Variants in TBCK observed in about 807,000 individuals in gnomAD.
TBCK encodes the protein TBC domain-containing protein kinase-like protein.
A neutral mutation model predicts 113.4 loss-of-function variants in TBCK; 99 were observed. The ratio of observed to expected loss-of-function variants is 0.87; its 90% CI spans 0.74 to 1.03. The LOEUF is 1.03. Among genes scored for constraint, TBCK ranks in the 50% least tolerant of loss-of-function variants. The pLI is 0.00. For missense variants in TBCK, 1,045 were observed against 1,061.3 expected, an observed-to-expected ratio of 0.98 and a Z score of 0.21; for synonymous variants, 369 against 370.8, an observed-to-expected ratio of 1.00 and a Z score of 0.05.
chr4:106,255,007 C>T (rs1365575767), intron 5 of TBCK: 6 of 309,460 alleles, frequency 1.9e-5, no homozygotes, highest in African/African-American at 1.1e-4. Flanking sequence ...TCTCTACATA[C>T]ATTTTAAAAC....
intron 11 of TBCK, 141 bp from the exon 12 acceptor site, chr4:106,242,710 T>C: frequency 2.0e-6 from 1 of 507,372 alleles, no homozygotes; most frequent in Non-Finnish European, 3.4e-6. Context: ...AAAACAATGT[T>C]TTTTTAATTA....
chr4:106,261,697 G>T (rs1351472863), intron 4 of TBCK, among the ~76,000 whole-genome samples: 1 of 151,928 alleles, frequency 6.6e-6, no homozygotes, highest in African/African-American at 2.4e-5. Context: ...AGGAAAGAAG[G>T]CAGAAGAAAA....
At chr4:106,123,714 G>A (rs1744761654) in intron 23 of TBCK, among the ~76,000 whole-genome samples, 1 of 152,020 alleles carries the variant, frequency 6.6e-6, no homozygotes, top group African/African-American at 2.4e-5. Context: ...ACAACTACCT[G>A]ATCTTTGACA....
At chr4:106,246,735 A>G (rs1415277901) in intron 10 of TBCK, among the ~76,000 whole-genome samples, 1 of 152,084 alleles carries the variant, frequency 6.6e-6, no homozygotes, top group Non-Finnish European at 1.5e-5. Context: ...GCTGGCTGCA[A>G]TTTGCTATTT....
rs765407874 is a variant in TBCK, at chr4:106,242,469, C to A, written c.1170+1G>T. ...CAGAACTGTCAAAATATCTTTCTTA[C>A]ATTTCTTAGCTGGCATAACGACAAT... On this transcript the variant is annotated splice_donor_variant, in intron 12 of 25. Coordinates refer to ENST00000394708, the MANE Select transcript of TBCK (RefSeq NM_001163435.3). LOFTEE classifies it high-confidence loss of function. 1 of 1,593,048 alleles carries A rather than the reference C, an allele frequency of 6.3e-7. No homozygotes were observed.
rs1457462467 is a variant in TBCK, at chr4:106,046,639, A to T, written c.2613T>A (p.Cys871Ter). The change falls in exon 26 of 26, where the codon TGT becomes TGA. Residue 871 changes from cysteine to a stop codon, truncating the protein, a stop_gained. Transcript: ENST00000394708. LOFTEE classifies it high-confidence loss of function. ...TTTTATTAATGCCACCATCTAGAAT[A>T]CAGATTCTTGGATATTTCATCTTCA... The part of the protein sequence containing the change: ...HLVKMKYPRI[C>*]ILDGGINKIK... The T allele has an allele frequency of 6.2e-7, 1 of 1,612,898 alleles. No homozygotes were observed. The highest frequency in any genetic ancestry group is 1.7e-5 in the Admixed American group (1 of 59,974).
At chr4:106,276,994 C>T (rs967532976) in intron 3 of TBCK, among the ~76,000 whole-genome samples, 4 of 151,848 alleles carry the variant, frequency 2.6e-5, no homozygotes, top group Non-Finnish European at 5.9e-5. Flanking sequence ...CAAAGAATGC[C>T]TACAAATCAA....
chr4:106,105,006 T>C (rs1741974610), intron 24 of TBCK, among the ~76,000 whole-genome samples: 2 of 152,222 alleles, frequency 1.3e-5, no homozygotes, highest in Admixed American at 6.5e-5. Flanking sequence ...ACCAGAGCTA[T>C]CGAGCCAGTG....
At chr4:106,249,398 C>G (rs796613439) in intron 7 of TBCK, among the ~76,000 whole-genome samples, 1 of 152,060 alleles carries the variant, frequency 6.6e-6, no homozygotes, top group Admixed American at 6.6e-5. Context: ...TTTGTGGATG[C>G]GAAATCTGCA....
intron 25 of TBCK, among the ~76,000 whole-genome samples, chr4:106,093,535 T>C (rs1402274410): frequency 1.3e-5 from 2 of 152,152 alleles, no homozygotes; most frequent in Non-Finnish European, 2.9e-5. Context: ...AAGTTAATGC[T>C]GCTATCAGTC....
At position 106,083,632 on chromosome 4, in the gene TBCK, G is replaced by C. The variant is rs144692285; in HGVS notation, c.2571+11850C>G. Among the ~76,000 whole-genome samples, 351 of 152,278 alleles carry C rather than the reference G, an allele frequency of 2.3e-3. 1 individual carries two copies. The highest frequency in any genetic ancestry group is 8.0e-3 in the African/African-American group (333 of 41,550). On this transcript the variant is annotated intron_variant, in intron 25 of 25. Transcript: ENST00000394708. ...CCTGCTCCCTGTGCCACCCAACTGGGTGAGACCATCCAACAGGGGTTATCA... is the reference window on the plus strand; with the variant it reads ...CCTGCTCCCTGTGCCACCCAACTGGCTGAGACCATCCAACAGGGGTTATCA...
chr4:106,181,501 G>C (rs1752378546), intron 22 of TBCK, among the ~76,000 whole-genome samples: 1 of 152,138 alleles, frequency 6.6e-6, no homozygotes, highest in Non-Finnish European at 1.5e-5. Flanking sequence ...TATGGTTCTA[G>C]GTCTTACGTT....
At chr4:106,267,415 T>C (rs952581794) in intron 3 of TBCK, among the ~76,000 whole-genome samples, 2 of 151,992 alleles carry the variant, frequency 1.3e-5, no homozygotes, top group African/African-American at 2.4e-5. Flanking sequence ...AGAAGAAGAA[T>C]TGATCTGCAC....
intron 23 of TBCK, among the ~76,000 whole-genome samples, chr4:106,154,780 TA>T (rs1267200116): frequency 1.3e-5 from 2 of 152,196 alleles, no homozygotes; most frequent in African/African-American, 4.8e-5. Flanking sequence ...CTTTTCTTTA[TA>T]AATTACCCAG....
At chr4:106,186,959 T>C (rs1307938703) in intron 22 of TBCK, among the ~76,000 whole-genome samples, 2 of 152,202 alleles carry the variant, frequency 1.3e-5, no homozygotes, top group Non-Finnish European at 2.9e-5. Context: ...TGCATACAGC[T>C]AGCTAGCTAT....
At chr4:106,052,817 C>G (rs1330833274) in intron 25 of TBCK, among the ~76,000 whole-genome samples, 1 of 151,598 alleles carries the variant, frequency 6.6e-6, no homozygotes, top group Non-Finnish European at 1.5e-5. Context: ...GTCCCCAACA[C>G]TCAGCTTCAA....
At chr4:106,281,733 T>C (rs113927118) in intron 3 of TBCK, among the ~76,000 whole-genome samples, 4,096 of 152,238 alleles carry the variant, frequency 0.027, 178 homozygotes, top group African/African-American at 0.094. Context: ...TTTGCGTATG[T>C]TGAACCATCC....
intron 3 of TBCK, among the ~76,000 whole-genome samples, chr4:106,293,860 C>T (rs757951471): frequency 1.3e-5 from 2 of 152,104 alleles, no homozygotes; most frequent in Non-Finnish European, 1.5e-5. Context: ...TATAAACACT[C>T]GTGGCAAGAT....
intron 23 of TBCK, among the ~76,000 whole-genome samples, chr4:106,122,237 CT>C (rs1383709836): frequency 1.1e-4 from 16 of 152,118 alleles, no homozygotes; most frequent in Non-Finnish European, 1.5e-5. Flanking sequence ...TCAGAGAATA[CT>C]ACAAACACCT....
Sources: gnomAD v4.1 joint callset for allele counts (sites outside exome capture counted in the v4.1 genomes callset) on GRCh38, gnomAD v4.1.1 for gene constraint, MANE v1.5 for transcripts, NCBI Gene and HGNC (gene_info 2026-07-23, HGNC 2026-07-21) for gene names.